The following SLC9C1 variants were observed in gnomAD, a reference collection of about 807,000 sequenced individuals.
SLC9C1 encodes the protein solute carrier family 9 member C1.
SLC9C1 carries 97 observed loss-of-function variants against 140.9 expected under a neutral mutation model. That is an observed-to-expected ratio of 0.69 (90% CI 0.58 to 0.82). The LOEUF is 0.82. Ranked by LOEUF, SLC9C1 falls within the 40% of genes least tolerant of loss-of-function variation. The pLI, the probability that SLC9C1 is intolerant of heterozygous loss-of-function variation, is 0.00. For missense variants in SLC9C1, 1,340 were observed against 1,389.3 expected, an observed-to-expected ratio of 0.96 and a Z score of 0.56; for synonymous variants, 440 against 442.6, an observed-to-expected ratio of 0.99 and a Z score of 0.07.
At chr3:112,142,402 G>A (rs1313722834) in intron 28 of SLC9C1, among the ~76,000 whole-genome samples, 3 of 152,150 alleles carry the variant, frequency 2.0e-5, no homozygotes, top group Middle Eastern at 3.4e-3. Context: ...TCCTAATCAT[G>A]TTGTACACAT....
intron 26 of SLC9C1, among the ~76,000 whole-genome samples, chr3:112,159,897 T>C (rs2075241867): frequency 6.6e-6 from 1 of 152,094 alleles, no homozygotes; most frequent in African/African-American, 2.4e-5. Context: ...CCTCTTTTGG[T>C]TTCTGTTTGC....
chr3:112,226,561 A>T (rs1425364582), intron 13 of SLC9C1, among the ~76,000 whole-genome samples: 1 of 152,046 alleles, frequency 6.6e-6, no homozygotes, highest in Non-Finnish European at 1.5e-5. Flanking sequence ...ATATCTACTA[A>T]AATTACAAAA....
At chr3:112,290,777 G>A (rs1396208824) in intron 1 of SLC9C1, among the ~76,000 whole-genome samples, 1 of 150,128 alleles carries the variant, frequency 6.7e-6, no homozygotes, top group Non-Finnish European at 1.5e-5. Flanking sequence ...TTGTTAAATT[G>A]AACCCTTTAC....
At chr3:112,236,333 T>C (rs1484582663) in intron 12 of SLC9C1, among the ~76,000 whole-genome samples, 7 of 152,204 alleles carry the variant, frequency 4.6e-5, no homozygotes, top group Non-Finnish European at 1.0e-4. Flanking sequence ...TATCATTTTT[T>C]ATTGCATCTA....
In SLC9C1 at chr3:112,209,207, C is replaced by T. The variant is rs559621730; in HGVS notation, c.1791-834G>A. Among the ~76,000 whole-genome samples, 19 of 64,194 alleles carry T rather than the reference C, an allele frequency of 3.0e-4. No homozygotes were observed. In the South Asian group the frequency reaches 0.027, roughly 90 times the overall value. The allele number at this position is 64,194 out of a possible 152,430, so 42.1% of individuals were successfully genotyped here. A position where few individuals can be genotyped will look rare whatever the true frequency, so the allele number is the denominator to read the frequency against. ...CAGAAGCTTTTACAATTTTGGATAC[C>T]ATTTGAAAAAAAAATATGATGAAAT... On this transcript the variant is annotated intron_variant, in intron 15 of 28. Coordinates refer to ENST00000305815, the MANE Select transcript of SLC9C1 (RefSeq NM_183061.3).
chr3:112,282,274 A>C (rs2080378591), intron 2 of SLC9C1, among the ~76,000 whole-genome samples: 1 of 152,222 alleles, frequency 6.6e-6, no homozygotes, highest in Non-Finnish European at 1.5e-5. Context: ...CAATTAAAGC[A>C]ATGGTTACCA....
intron 13 of SLC9C1, among the ~76,000 whole-genome samples, chr3:112,226,125 T>C (rs1337806164): frequency 6.6e-6 from 1 of 152,102 alleles, no homozygotes; most frequent in Non-Finnish European, 1.5e-5. Context: ...TTCTCCAGGA[T>C]AGAGCATATG....
chr3:112,202,757 A>G (rs1335675694), intron 17 of SLC9C1, among the ~76,000 whole-genome samples: 1 of 151,958 alleles, frequency 6.6e-6, no homozygotes, highest in Admixed American at 6.6e-5. Flanking sequence ...CCATTTTTGC[A>G]TGCTAAATCT....
At chr3:112,202,115 T>C in intron 18 of SLC9C1, 135 bp downstream of exon 18, 1 of 963,780 alleles carries the variant, frequency 1.0e-6, no homozygotes, top group Non-Finnish European at 1.6e-6. Context: ...AAATGTAACC[T>C]AGTTTAAGTT....
intron 15 of SLC9C1, among the ~76,000 whole-genome samples, chr3:112,212,901 T>C (rs998289233): frequency 4.6e-5 from 7 of 152,072 alleles, no homozygotes; most frequent in African/African-American, 1.7e-4. Flanking sequence ...AGACACATAA[T>C]TGTCAGATCC....
At chr3:112,217,583 T>A in intron 14 of SLC9C1, 22 bp from the exon 15 acceptor site, 1 of 1,554,012 alleles carries the variant, frequency 6.4e-7, no homozygotes, top group East Asian at 2.3e-5. Flanking sequence ...GAGAAATCTT[T>A]AAACATGCTT....
At chr3:112,272,191 C>T (rs1213660412) in intron 6 of SLC9C1, among the ~76,000 whole-genome samples, 1 of 152,156 alleles carries the variant, frequency 6.6e-6, no homozygotes, top group Non-Finnish European at 1.5e-5. Flanking sequence ...GAGGCTAACT[C>T]TAGTTGCAGA....
chr3:112,280,001 C>T (rs1576515550), intron 3 of SLC9C1, among the ~76,000 whole-genome samples: 1 of 152,196 alleles, frequency 6.6e-6, no homozygotes, highest in South Asian at 2.1e-4. Context: ...TATAGAAGTA[C>T]TTCAAATTGC....
In SLC9C1 at chr3:112,191,767, C is replaced by T. The variant is rs1037112708; in HGVS notation, c.2523+7554G>A. On this transcript the variant is annotated intron_variant, in intron 20 of 28. Coordinates refer to ENST00000305815, the MANE Select transcript of SLC9C1 (RefSeq NM_183061.3). ...GTTTGGCAATGTTAACTCATCATTG[C>T]ATCTGGAAGTTTTTCTTTCTATATG... Among the ~76,000 whole-genome samples the T allele has an allele frequency of 1.6e-4, 25 of 152,026 alleles. 1 individual carries two copies. The highest frequency in any genetic ancestry group is 6.0e-4 in the African/African-American group (25 of 41,414).
chr3:112,238,839 C>T (rs576756622), intron 12 of SLC9C1, among the ~76,000 whole-genome samples: 170 of 152,264 alleles, frequency 1.1e-3, no homozygotes, highest in Non-Finnish European at 2.0e-3. Context: ...GAGGGGTACC[C>T]GGCCATGTGA....
chr3:112,157,823 T>C (rs2075171177), intron 26 of SLC9C1, among the ~76,000 whole-genome samples: 1 of 151,890 alleles, frequency 6.6e-6, no homozygotes, highest in Non-Finnish European at 1.5e-5. Context: ...TTCAGACTGA[T>C]CACTGTTAGC....
chr3:112,230,434 A>T (rs186725110), intron 13 of SLC9C1, among the ~76,000 whole-genome samples: 1 of 152,306 alleles, frequency 6.6e-6, no homozygotes, highest in East Asian at 1.9e-4. Context: ...GTGGATAGCA[A>T]TACCTAATTT....
At chr3:112,192,610 G>C (rs2077687274) in intron 20 of SLC9C1, among the ~76,000 whole-genome samples, 1 of 151,876 alleles carries the variant, frequency 6.6e-6, no homozygotes, top group Non-Finnish European at 1.5e-5. Context: ...TTGTCTTCAA[G>C]TGCAGAAATT....
Position 112,235,207 on chromosome 3 carries a change from T to C in SLC9C1, c.1447-3721A>G, listed in dbSNP as rs1222681502. On this transcript the variant is annotated intron_variant, in intron 12 of 28. Transcript: ENST00000305815. ...TCCTTCACATCCCTTGTAAGTTGGA[T>C]TCCTGGGTATTTTATTCTCTTTGAA... 1.9e-4 allele frequency among the ~76,000 whole-genome samples: 18 copies of C among 93,540 alleles called. 4 individuals are homozygous for C. Among genetic ancestry groups the C allele is most frequent in the African/African-American group, 5.8e-4 (17 of 29,436 alleles). The allele number at this position is 93,540 out of a possible 152,430, so 61.4% of individuals were successfully genotyped here.
Sources: gnomAD v4.1 joint callset for allele counts (sites outside exome capture counted in the v4.1 genomes callset) on GRCh38, gnomAD v4.1.1 for gene constraint, MANE v1.5 for transcripts, NCBI Gene and HGNC (gene_info 2026-07-23, HGNC 2026-07-21) for gene names.